TBCD: variants seen among roughly 807,000 people sequenced by gnomAD.
TBCD encodes tubulin-specific chaperone D.
In TBCD, 105 loss-of-function variants were observed where a neutral mutation model predicts 169.3. That is an observed-to-expected ratio of 0.62 (90% confidence interval 0.53 to 0.73). The LOEUF (loss-of-function observed/expected upper bound fraction) is 0.73, where lower values mean the gene tolerates loss of function less well. Among genes scored for constraint, TBCD ranks in the 30% least tolerant of loss-of-function variants. The probability of loss-of-function intolerance (pLI) is 0.00; values close to 1 mark genes in which losing one functional copy is unlikely to be tolerated. For missense variants in TBCD, 1,444 were observed against 1,600.1 expected, an observed-to-expected ratio of 0.90 and a Z score of 1.66; for synonymous variants, 700 against 643.9, an observed-to-expected ratio of 1.09 and a Z score of -1.32.
chr17:82,865,076 C>T (rs755467020), intron 13 of TBCD, among the ~76,000 whole-genome samples: 20 of 152,214 alleles, frequency 1.3e-4, no homozygotes, highest in African/African-American at 2.9e-4. Context: ...TTCTCTACAA[C>T]GTCCTGTGGG....
intron 9 of TBCD, 27 bp from the exon 10 acceptor site, chr17:82,805,848 G>A: frequency 6.3e-7 from 1 of 1,589,350 alleles, no homozygotes; most frequent in Non-Finnish European, 8.6e-7. Flanking sequence ...CTACAAAGCT[G>A]ATCTGAGGAT....
intron 14 of TBCD, among the ~76,000 whole-genome samples, chr17:82,881,601 A>G (rs1350727130): frequency 6.6e-6 from 1 of 152,130 alleles, no homozygotes; most frequent in East Asian, 1.9e-4. Context: ...CCCCGTGCCT[A>G]CGTGCCCTCC....
intron 2 of TBCD, among the ~76,000 whole-genome samples, chr17:82,757,897 C>T (rs1339370918): frequency 6.6e-6 from 1 of 152,048 alleles, no homozygotes; most frequent in Non-Finnish European, 1.5e-5. Context: ...CGCTGGTTCC[C>T]AGGAAACAGA....
chr17:82,887,135 G>C (rs949949641), intron 15 of TBCD, among the ~76,000 whole-genome samples: 52 of 91,298 alleles, frequency 5.7e-4, no homozygotes, highest in Admixed American at 2.6e-3. Flanking sequence ...TGTACTCTGT[G>C]TGTGTGTGTG....
rs1443110300 is a variant in TBCD at position 82,850,073 on chromosome 17, CTGTG to C, written c.1319-20150_1319-20147del. 9.3e-4 allele frequency among the ~76,000 whole-genome samples: 20 copies of C among 21,422 alleles called. 1 individual carries two copies. Among genetic ancestry groups the C allele is most frequent in the African/African-American group, 2.4e-3 (13 of 5,322 alleles). 14.1% of individuals were successfully genotyped at this position (21,422 alleles called of 152,430 possible). ...CTGTTGTTGGCTGTGCTGCTGTTGGCTGTGCTGTGCTGCTGTTGGCTGTGCTGCT... is the reference window on the plus strand; with the variant it reads ...CTGTTGTTGGCTGTGCTGCTGTTGGCCTGTGCTGCTGTTGGCTGTGCTGCT... On this transcript the variant is annotated intron_variant, in intron 13 of 38. Coordinates refer to ENST00000355528, the MANE Select transcript of TBCD (RefSeq NM_005993.5).
At chr17:82,910,403 TTTTTTGCTCATTAAAAAGTTCAGAC>T (rs2060547608) in intron 22 of TBCD, among the ~76,000 whole-genome samples, 2 of 152,188 alleles carry the variant, frequency 1.3e-5, no homozygotes, top group Admixed American at 6.5e-5. Context: ...TTTCGTGAAG[TTTTTTGCTCATTAAAAAGTTCAGAC>T]TTTTTGCTCA....
At chr17:82,781,447 G>A in intron 6 of TBCD, 142 bp from the exon 7 acceptor site, 1 of 1,070,954 alleles carries the variant, frequency 9.3e-7, no homozygotes, top group Non-Finnish European at 1.3e-6. Flanking sequence ...AGGAGGACAG[G>A]ACTCAGTACA....
intron 13 of TBCD, among the ~76,000 whole-genome samples, chr17:82,824,874 T>C (rs1233312048): frequency 6.6e-6 from 1 of 152,232 alleles, no homozygotes; most frequent in Non-Finnish European, 1.5e-5. Context: ...ATGTAAAAAT[T>C]ACGAGTGTTT....
chr17:82,934,534 G>A (rs2062459711), intron 34 of TBCD, among the ~76,000 whole-genome samples: 1 of 151,922 alleles, frequency 6.6e-6, no homozygotes, highest in Admixed American at 6.6e-5. Context: ...GTGAATTGGT[G>A]CGATCTCAGC....
intron 13 of TBCD, chr17:82,830,834 C>T (rs377519504): frequency 9.3e-6 from 15 of 1,612,980 alleles, no homozygotes; most frequent in African/African-American, 5.3e-5. Context: ...ACGAGAGAGG[C>T]GCTTCCGGTC....
chr17:82,854,427 G>A (rs2056080177), intron 13 of TBCD, among the ~76,000 whole-genome samples: 1 of 152,256 alleles, frequency 6.6e-6, no homozygotes, highest in South Asian at 2.1e-4. Context: ...AGGCGCTGCA[G>A]GCTCCTTATG....
Position 82,930,780 on chromosome 17 carries a change from TG to T in TBCD, c.3113+139del. The T allele has an allele frequency of 7.2e-7, 1 of 1,388,038 alleles. No individual in the cohort carries two copies. The highest frequency in any genetic ancestry group is 9.7e-7 in the Non-Finnish European group (1 of 1,027,256). 86.0% of individuals were successfully genotyped at this position (1,388,038 alleles called of 1,614,324 possible). ...GCGAGACACACGCTGTACCAGTTGG[TG>T]GCTCAGCGAGGAAGATGTGCCTGCA... On this transcript the variant is annotated intron_variant, in intron 33 of 38. Coordinates refer to ENST00000355528, the MANE Select transcript of TBCD (RefSeq NM_005993.5). This position sits in a 1 kb window ranked among gnomAD's most constrained non-coding sequence, Gnocchi z 5.2.
Position 82,933,500 on chromosome 17 carries a change from T to G in TBCD, c.3191+765T>G, listed in dbSNP as rs571724802. On this transcript the variant is annotated intron_variant, in intron 34 of 38. Coordinates refer to ENST00000355528, the MANE Select transcript of TBCD (RefSeq NM_005993.5). ...AACTCCTGGCCCCAAGTGCCTGCCT[T>G]GGCCTCCTAAAGTGCTAGGATTACA... Among the ~76,000 whole-genome samples, 15 of 152,072 alleles carry G rather than the reference T, an allele frequency of 9.9e-5. No individual in the cohort carries two copies. In the South Asian group the frequency reaches 3.1e-3, roughly 32 times the overall value.
rs1055932083 is a variant in TBCD at position 82,755,622 on chromosome 17, C to T, written c.185-543C>T. Reference sequence around the variant, plus strand: ...AGGGTATAATGAGGCCTATGTGGACCACTCCCCACAATCCCTTAATATCAT... The same window carrying T: ...AGGGTATAATGAGGCCTATGTGGACTACTCCCCACAATCCCTTAATATCAT... On this transcript the variant is annotated intron_variant, in intron 1 of 38. Transcript: ENST00000355528. Among the ~76,000 whole-genome samples, 3 of 152,228 alleles carry T rather than the reference C, an allele frequency of 2.0e-5. No individual in the cohort carries two copies. In the South Asian group the frequency reaches 6.2e-4, roughly 32 times the overall value.
At position 82,831,413 on chromosome 17, in the gene TBCD, G is replaced by A. The variant is rs139218249; in HGVS notation, c.1318+16479G>A. On this transcript the variant is annotated intron_variant, in intron 13 of 38. Transcript: ENST00000355528. This position sits in a 1 kb window ranked among gnomAD's most constrained non-coding sequence, Gnocchi z 4.6. ...ACCAGGGTGGCTTCTTCAAGCAGGTGAGAGCTCTGATCTCGGGTGAGGCCA... is the reference window on the plus strand; with the variant it reads ...ACCAGGGTGGCTTCTTCAAGCAGGTAAGAGCTCTGATCTCGGGTGAGGCCA... 3.1e-6 allele frequency: 5 copies of A among 1,614,102 alleles called. No homozygotes were observed. The African/African-American group carries it at 6.7e-5, about 22-fold the overall frequency.
chr17:82,782,739 G>C lies in TBCD; in HGVS notation c.771+1018G>C, dbSNP rs945133329. On this transcript the variant is annotated intron_variant, in intron 7 of 38. Transcript: ENST00000355528. The surrounding 1 kb of genome is among the most constrained non-coding windows in gnomAD (Gnocchi z 5.1). The stretch of plus-strand genomic sequence containing the variant: ...GCGTCGTCCTCCTGTCCGCAGCATC[G>C]TCTTCCTATCCGCGGCATTGTCTTC... Among the ~76,000 whole-genome samples the C allele has an allele frequency of 6.9e-6, 1 of 143,970 alleles. No individual in the cohort carries two copies. Among genetic ancestry groups the C allele is most frequent in the Admixed American group, 6.7e-5 (1 of 14,876 alleles). 94.4% of individuals were successfully genotyped at this position (143,970 alleles called of 152,430 possible).
At chr17:82,842,633 C>T (rs2145481130) in intron 13 of TBCD, among the ~76,000 whole-genome samples, 1 of 152,212 alleles carries the variant, frequency 6.6e-6, no homozygotes, top group East Asian at 1.9e-4. Context: ...TGAGAAAGTG[C>T]AAGAGAGATT....
At chr17:82,908,197 A>G (rs944262586) in intron 21 of TBCD, 7 of 406,874 alleles carry the variant, frequency 1.7e-5, no homozygotes, top group Non-Finnish European at 3.4e-5. Flanking sequence ...CGGTCCCACG[A>G]TGGAGCGTGC....
rs1035338751 is a variant in TBCD, at chr17:82,890,623, C to G, written c.1563+926C>G. 6.6e-6 allele frequency among the ~76,000 whole-genome samples: 1 copy of G among 152,162 alleles called. No individual in the cohort carries two copies. The highest frequency in any genetic ancestry group is 1.5e-5 in the Non-Finnish European group (1 of 68,036). ...GTTATTGAAATGGTTCTGGAGGAGCCTGGCGTGAGTGGTGTGGGCGGCTTT... is the reference window on the plus strand; with the variant it reads ...GTTATTGAAATGGTTCTGGAGGAGCGTGGCGTGAGTGGTGTGGGCGGCTTT... On this transcript the variant is annotated intron_variant, in intron 16 of 38. Transcript: ENST00000355528. This position sits in a 1 kb window ranked among gnomAD's most constrained non-coding sequence, Gnocchi z 5.3.
Sources: gnomAD v4.1 joint callset for allele counts (sites outside exome capture counted in the v4.1 genomes callset) on GRCh38, gnomAD v4.1.1 for gene constraint, Gnocchi (gnomAD v3.1) non-coding constraint, MANE v1.5 for transcripts, NCBI Gene and HGNC (gene_info 2026-07-23, HGNC 2026-07-21) for gene names.